Variants in CNIH3 observed in about 807,000 individuals in gnomAD.
CNIH3 encodes protein cornichon homolog 3.
A neutral mutation model predicts 24.1 loss-of-function variants in CNIH3; 14 were observed. The observed-to-expected ratio is 0.58, with a 90% CI of 0.38 to 0.91. The LOEUF (loss-of-function observed/expected upper bound fraction) is 0.91, where lower values mean the gene tolerates loss of function less well. Among genes scored for constraint, CNIH3 ranks in the 40% least tolerant of loss-of-function variants. The pLI is 0.00. For missense variants in CNIH3, 178 were observed against 196.8 expected (o/e 0.90, Z 0.57); for synonymous variants, 68 against 73.8 (o/e 0.92, Z 0.40).
At chr1:224,723,226 T>A (rs1688830447) in intron 3 of CNIH3, among the ~76,000 whole-genome samples, 1 of 152,206 alleles carries the variant, frequency 6.6e-6, no homozygotes, top group African/African-American at 2.4e-5. Context: ...GTGTGGCTGG[T>A]TGCTGATGTG....
At chr1:224,548,026 C>A (rs951373979) in intron 3 of CNIH3, among the ~76,000 whole-genome samples, 2 of 151,788 alleles carry the variant, frequency 1.3e-5, no homozygotes, top group African/African-American at 4.8e-5. Context: ...AAGTGTACAC[C>A]ACATGATATT....
intron 3 of CNIH3, among the ~76,000 whole-genome samples, chr1:224,694,097 G>A (rs924357348): frequency 1.1e-4 from 17 of 152,216 alleles, no homozygotes; most frequent in Admixed American, 1.1e-3. Context: ...AGAGGAGAGG[G>A]ACAAGAGCTT....
At chr1:224,573,468 TG>T (rs1680906468) in intron 4 of CNIH3, among the ~76,000 whole-genome samples, 1 of 152,170 alleles carries the variant, frequency 6.6e-6, no homozygotes, top group Non-Finnish European at 1.5e-5. Context: ...TTAGGCAGTG[TG>T]CTACTCGGAG....
At chr1:224,650,442 G>T (rs1684809196) in intron 1 of CNIH3, among the ~76,000 whole-genome samples, 1 of 152,180 alleles carries the variant, frequency 6.6e-6, no homozygotes, top group African/African-American at 2.4e-5. Flanking sequence ...AGGCCAACAT[G>T]CAAATTTATG....
upstream of CNIH3, chr1:224,615,991 C>A: frequency 6.5e-6 from 1 of 152,782 alleles, no homozygotes; most frequent in Non-Finnish European, 1.5e-5. Flanking sequence ...AGGCGCGAGG[C>A]ACACACCATA....
intron 3 of CNIH3, among the ~76,000 whole-genome samples, chr1:224,726,188 C>T (rs192097807): frequency 6.6e-6 from 1 of 152,310 alleles, no homozygotes; most frequent in African/African-American, 2.4e-5. Context: ...GTTCTTGCAC[C>T]AGCCTGGAGA....
At chr1:224,715,553 C>A (rs758623762) in intron 3 of CNIH3, among the ~76,000 whole-genome samples, 6 of 152,136 alleles carry the variant, frequency 3.9e-5, no homozygotes, top group Non-Finnish European at 5.9e-5. Flanking sequence ...TGAAGTTGGA[C>A]AATTTATAAA....
At chr1:224,611,645 T>C (rs1682704652), upstream of CNIH3, 1 of 152,256 alleles carries the variant, frequency 6.6e-6, no homozygotes, top group African/African-American at 2.4e-5. Context: ...CTGTGTCATA[T>C]GGCCTCTCCT....
At chr1:224,479,515 C>T (rs769600679) in intron 1 of CNIH3, among the ~76,000 whole-genome samples, 1 of 152,346 alleles carries the variant, frequency 6.6e-6, no homozygotes, top group African/African-American at 2.4e-5. Flanking sequence ...CAAGTCTCTT[C>T]TAAGACAAGG....
At chr1:224,578,847 C>G (rs1681145963) in intron 4 of CNIH3, among the ~76,000 whole-genome samples, 1 of 152,100 alleles carries the variant, frequency 6.6e-6, no homozygotes, top group Admixed American at 6.6e-5. Context: ...AGGATTTTCT[C>G]TTTGGTTGTC....
At chr1:224,628,114 C>T (rs1023998417) in intron 1 of CNIH3, among the ~76,000 whole-genome samples, 1 of 152,038 alleles carries the variant, frequency 6.6e-6, no homozygotes, top group Non-Finnish European at 1.5e-5. Flanking sequence ...ACTTAGCCCA[C>T]CCTGTCAAGT....
In CNIH3 at chr1:224,616,556, C is replaced by A. The variant is rs994754737; in HGVS notation, c.-619C>A. Reference sequence around the variant, plus strand: ...CGGAGCGCACGGCTGCGCTGGAAGCCGCGTCTGGGGCGCAGGACCAACGGG... The same window carrying A: ...CGGAGCGCACGGCTGCGCTGGAAGCAGCGTCTGGGGCGCAGGACCAACGGG... On this transcript the variant is annotated 5_prime_UTR_variant, in exon 1 of 6. Transcript: ENST00000272133. 82 of 986,846 alleles carry A rather than the reference C, an allele frequency of 8.3e-5. No individual in the cohort carries two copies. In the Admixed American group the frequency reaches 2.6e-3, roughly 31 times the overall value. 61.1% of individuals were successfully genotyped at this position (986,846 alleles called of 1,614,324 possible).
chr1:224,435,512 A>G (rs1382341495), intron 1 of CNIH3, among the ~76,000 whole-genome samples: 1 of 152,180 alleles, frequency 6.6e-6, no homozygotes, highest in African/African-American at 2.4e-5. Context: ...TCTGCTGTTG[A>G]GGCTTCACTC....
At chr1:224,662,746 A>G (rs892579063) in intron 1 of CNIH3, among the ~76,000 whole-genome samples, 3 of 152,182 alleles carry the variant, frequency 2.0e-5, no homozygotes, top group Non-Finnish European at 2.9e-5. Flanking sequence ...CCAGACACAT[A>G]TGTACACATA....
At position 224,603,017 on chromosome 1, in the gene CNIH3, C is replaced by G. The variant is rs925977651; in HGVS notation, n.402+36753C>G. Among the ~76,000 whole-genome samples the G allele has an allele frequency of 1.6e-4, 25 of 152,122 alleles. 1 individual carries two copies. The highest frequency in any genetic ancestry group is 1.6e-3 in the Admixed American group (24 of 15,278). On this transcript the variant is annotated intron_variant and non_coding_transcript_variant, in intron 3 of 7. Coordinates refer to the CNIH3 transcript ENST00000478120. The stretch of plus-strand genomic sequence containing the variant: ...CAAAACCACAGAAACAATCTGTGAG[C>G]TATGCTTTTTTCCAAAGATGATTTT...
At chr1:224,605,930 C>T (rs1471007848) in intron 3 of CNIH3, among the ~76,000 whole-genome samples, 1 of 152,202 alleles carries the variant, frequency 6.6e-6, no homozygotes, top group African/African-American at 2.4e-5. Context: ...GCTTTCTTTA[C>T]TGCAATGCCA....
At chr1:224,560,053 T>G (rs1442946832) in intron 3 of CNIH3, among the ~76,000 whole-genome samples, 3 of 152,192 alleles carry the variant, frequency 2.0e-5, no homozygotes, top group African/African-American at 7.2e-5. Flanking sequence ...TTTATCTATA[T>G]TGTTGGGTGT....
intron 1 of CNIH3, chr1:224,459,100 A>G: frequency 1.6e-6 from 1 of 616,742 alleles, no homozygotes. Flanking sequence ...CAAATGGCCA[A>G]ACACCTGACT....
chr1:224,493,568 C>G (rs1010073883), intron 1 of CNIH3, among the ~76,000 whole-genome samples: 1 of 152,102 alleles, frequency 6.6e-6, no homozygotes, highest in African/African-American at 2.4e-5. Flanking sequence ...GTTTCCAGTA[C>G]AGAACAAAGC....
Sources: gnomAD v4.1 joint callset for allele counts (sites outside exome capture counted in the v4.1 genomes callset) on GRCh38, gnomAD v4.1.1 for gene constraint, MANE v1.5 for transcripts, NCBI Gene and HGNC (gene_info 2026-07-23, HGNC 2026-07-21) for gene names.